Variants in DUSP22 observed in about 807,000 individuals in gnomAD.
DUSP22 encodes dual specificity phosphatase 22.
Under a neutral mutation model 24.5 loss-of-function variants are expected in DUSP22, and 24 were observed. That is an observed-to-expected ratio of 0.98 (90% CI 0.71 to 1.38). The LOEUF (loss-of-function observed/expected upper bound fraction) is 1.38. Ranked by LOEUF, DUSP22 falls within the 40% of genes most tolerant of loss-of-function variation. DUSP22 has a pLI of 0.00. For missense variants in DUSP22, 330 were observed against 269.2 expected (o/e 1.23, Z -1.58); for synonymous variants, 160 against 106.4 (o/e 1.50, Z -3.10).
At chr6:333,157 C>T (rs1272112826) in intron 3 of DUSP22, among the ~76,000 whole-genome samples, 2 of 152,304 alleles carry the variant, frequency 1.3e-5, no homozygotes, top group African/African-American at 4.8e-5. Context: ...CAGCAGAGCA[C>T]AGCCCACAAG....
intron 3 of DUSP22, among the ~76,000 whole-genome samples, chr6:327,156 A>G (rs995709582): frequency 6.6e-6 from 1 of 152,308 alleles, no homozygotes; most frequent in African/African-American, 2.4e-5. Flanking sequence ...CATTACTGAG[A>G]GGAAACTAAG....
intron 3 of DUSP22, among the ~76,000 whole-genome samples, chr6:314,633 C>G (rs1273536164): frequency 6.6e-6 from 1 of 152,306 alleles, no homozygotes; most frequent in Non-Finnish European, 1.5e-5. Context: ...TTATTCCCCT[C>G]TGGAAGGTTC....
Position 351,280 on chromosome 6 carries a change from G to T in DUSP22, c.*2329G>T. 4.9e-6 allele frequency: 1 copy of T among 203,592 alleles called. No individual in the cohort carries two copies. Among genetic ancestry groups the T allele is most frequent in the Non-Finnish European group, 9.9e-6 (1 of 100,908 alleles). The allele number at this position is 203,592 out of a possible 1,614,324, so 12.6% of individuals were successfully genotyped here. ...AGCCCTTGGTGTGGGTTTTATCTCT[G>T]GTTTGTGTTCTCCGTGGTGGAATTG... is the stretch of plus-strand genomic sequence containing the variant. On this transcript the variant is annotated 3_prime_UTR_variant, in exon 7 of 7. Coordinates refer to ENST00000419235, the MANE Select transcript of DUSP22 (RefSeq NM_001286555.3).
chr6:337,851 CTCTT>C (rs1318080689), intron 4 of DUSP22, among the ~76,000 whole-genome samples: 2 of 152,298 alleles, frequency 1.3e-5, no homozygotes, highest in Non-Finnish European at 2.9e-5. Flanking sequence ...GCTTTTGTAA[CTCTT>C]TCTTTGGCTG....
intron 2 of DUSP22, among the ~76,000 whole-genome samples, chr6:310,211 G>A (rs368958555): frequency 3.9e-5 from 6 of 152,292 alleles, no homozygotes; most frequent in South Asian, 2.1e-4. Context: ...TTGGCCCGTC[G>A]CGGCCTCCCA....
chr6:332,995 A>G (rs975371421), intron 3 of DUSP22, among the ~76,000 whole-genome samples: 5 of 152,424 alleles, frequency 3.3e-5, no homozygotes, highest in Non-Finnish European at 5.9e-5. Context: ...GAGGTGATCA[A>G]TGTATGTGCA....
intron 4 of DUSP22, among the ~76,000 whole-genome samples, chr6:344,005 A>T (rs559589898): frequency 5.9e-5 from 9 of 152,418 alleles, no homozygotes; most frequent in African/African-American, 1.9e-4. Context: ...GGAGAGGTAC[A>T]TGTGCTATCC....
chr6:340,996 C>T (rs560720749), intron 4 of DUSP22, among the ~76,000 whole-genome samples: 5 of 152,418 alleles, frequency 3.3e-5, no homozygotes, highest in African/African-American at 9.6e-5. Flanking sequence ...TGGCTCTTGG[C>T]CTTTGATGCA....
chr6:295,620 C>CAA (rs61568173), intron 1 of DUSP22, among the ~76,000 whole-genome samples: 59 of 150,066 alleles, frequency 3.9e-4, no homozygotes, highest in African/African-American at 1.3e-3. Flanking sequence ...ACCAAAAATA[C>CAA]AAAAAAAAAA....
chr6:312,968 T>TTC (rs1170614980), intron 3 of DUSP22, among the ~76,000 whole-genome samples: 2 of 147,922 alleles, frequency 1.4e-5, no homozygotes, highest in Admixed American at 1.3e-4. Context: ...AGCTCATAAT[T>TTC]TTTTTTTTTT....
chr6:335,692 T>A (rs1170382428), intron 4 of DUSP22, among the ~76,000 whole-genome samples: 1 of 152,306 alleles, frequency 6.6e-6, no homozygotes, highest in African/African-American at 2.4e-5. Flanking sequence ...AGCAAGTTTA[T>A]GTCCTTCTTT....
At chr6:315,363 G>A (rs1296294018) in intron 3 of DUSP22, among the ~76,000 whole-genome samples, 2 of 152,298 alleles carry the variant, frequency 1.3e-5, no homozygotes, top group South Asian at 2.1e-4. Context: ...CTATCATTGG[G>A]TGGACAAAAA....
intron 3 of DUSP22, among the ~76,000 whole-genome samples, chr6:334,605 G>A (rs1446992218): frequency 6.6e-6 from 1 of 152,294 alleles, no homozygotes; most frequent in African/African-American, 2.4e-5. Context: ...ATTATCCCCA[G>A]GGTAAAGCTC....
At chr6:338,675 C>G (rs1759467743) in intron 4 of DUSP22, among the ~76,000 whole-genome samples, 1 of 152,298 alleles carries the variant, frequency 6.6e-6, no homozygotes. Flanking sequence ...TTCAGAGTTT[C>G]TCTATTCAAT....
chr6:304,703 A>G, intron 2 of DUSP22, 42 bp downstream of exon 2: 1 of 1,610,906 alleles, frequency 6.2e-7, no homozygotes, highest in Non-Finnish European at 8.5e-7. Flanking sequence ...AATACACATA[A>G]CATAAAATGT....
intron 3 of DUSP22, among the ~76,000 whole-genome samples, chr6:332,803 C>T (rs1759196481): frequency 6.6e-6 from 1 of 152,300 alleles, no homozygotes; most frequent in South Asian, 2.1e-4. Context: ...GAAGATGGCA[C>T]TAGAAGGGAA....
At chr6:318,430 A>G (rs1189098713) in intron 3 of DUSP22, among the ~76,000 whole-genome samples, 5 of 152,304 alleles carry the variant, frequency 3.3e-5, no homozygotes, top group African/African-American at 1.2e-4. Context: ...GGAGAGCCTC[A>G]TTGCCTGTGG....
chr6:309,497 G>A (rs889636088), intron 2 of DUSP22, among the ~76,000 whole-genome samples: 1 of 152,302 alleles, frequency 6.6e-6, no homozygotes, highest in Non-Finnish European at 1.5e-5. Context: ...CTTAAAAGTG[G>A]TATTTTAATA....
At chr6:334,401 T>C (rs1215198017) in intron 3 of DUSP22, among the ~76,000 whole-genome samples, 1 of 147,612 alleles carries the variant, frequency 6.8e-6, no homozygotes, top group Non-Finnish European at 1.5e-5. Context: ...GAAACAGCCA[T>C]TTTTTTTTTT....
Sources: gnomAD v4.1 joint callset for allele counts (sites outside exome capture counted in the v4.1 genomes callset) on GRCh38, gnomAD v4.1.1 for gene constraint, MANE v1.5 for transcripts, NCBI Gene and HGNC (gene_info 2026-07-23, HGNC 2026-07-21) for gene names.